The following KIF26B variants were observed in gnomAD, a reference collection of about 807,000 sequenced individuals.
The protein encoded by KIF26B is kinesin-like protein KIF26B.
A neutral mutation model predicts 151.2 loss-of-function variants in KIF26B; 63 were observed. The ratio of observed to expected loss-of-function variants is 0.42; its 90% CI spans 0.34 to 0.51. The LOEUF (loss-of-function observed/expected upper bound fraction) is 0.51. KIF26B is among the 20% of genes least tolerant of loss of function. The probability of loss-of-function intolerance (pLI) is 0.07; values close to 1 mark genes in which losing one functional copy is unlikely to be tolerated. For missense variants in KIF26B, 2,813 were observed against 2,913.6 expected, an observed-to-expected ratio of 0.97 and a Z score of 0.79; for synonymous variants, 1,357 against 1,262.1, an observed-to-expected ratio of 1.08 and a Z score of -1.59.
intron 4 of KIF26B, among the ~76,000 whole-genome samples, chr1:245,435,359 C>A (rs1255673373): frequency 1.4e-4 from 21 of 152,166 alleles, no homozygotes; most frequent in Admixed American, 1.4e-3. Context: ...TTCATAAAGC[C>A]ATCCAGTATG....
At position 245,302,195 on chromosome 1, in the gene KIF26B, A is replaced by G. The variant is rs77941788; in HGVS notation, c.466-64639A>G. Among the ~76,000 whole-genome samples the G allele has an allele frequency of 4.0e-3, 604 of 152,330 alleles. 6 individuals are homozygous for G. Among genetic ancestry groups the G allele is most frequent in the African/African-American group, 0.014 (578 of 41,558 alleles). ...ACATCAGTCTATTTGCTGCTTCATAATCAAGGTCCTGTTTGTTGATATGTA... is the reference window on the plus strand; with the variant it reads ...ACATCAGTCTATTTGCTGCTTCATAGTCAAGGTCCTGTTTGTTGATATGTA... On this transcript the variant is annotated intron_variant, in intron 2 of 14. Coordinates refer to ENST00000407071, the MANE Select transcript of KIF26B (RefSeq NM_018012.4).
intron 3 of KIF26B, among the ~76,000 whole-genome samples, chr1:245,382,196 G>A (rs1009906786): frequency 1.3e-4 from 20 of 152,060 alleles, no homozygotes; most frequent in Admixed American, 7.9e-4. Context: ...GAGTGCATAC[G>A]GGTTCCAATT....
At chr1:245,325,487 G>A (rs901671705) in intron 2 of KIF26B, among the ~76,000 whole-genome samples, 4 of 152,174 alleles carry the variant, frequency 2.6e-5, no homozygotes, top group African/African-American at 9.7e-5. Context: ...GCCGAGGCAG[G>A]CAGATCACCT....
intron 2 of KIF26B, among the ~76,000 whole-genome samples, chr1:245,288,630 G>A (rs187097935): frequency 7.2e-5 from 11 of 152,278 alleles, no homozygotes; most frequent in African/African-American, 2.4e-4. Context: ...CAGAATGCAT[G>A]GATGGTGGGG....
intron 2 of KIF26B, among the ~76,000 whole-genome samples, chr1:245,161,309 T>A (rs2103517454): frequency 6.6e-6 from 1 of 152,350 alleles, no homozygotes; most frequent in Admixed American, 6.5e-5. Flanking sequence ...ACCAGACTAT[T>A]AATTGTGAAG....
intron 10 of KIF26B, among the ~76,000 whole-genome samples, chr1:245,674,871 G>A (rs1383373041): frequency 1.3e-5 from 2 of 152,092 alleles, no homozygotes; most frequent in South Asian, 2.1e-4. Flanking sequence ...CTGCCAAGTC[G>A]GCCCAAGACT....
intron 2 of KIF26B, among the ~76,000 whole-genome samples, chr1:245,225,604 C>A (rs1322054569): frequency 1.3e-5 from 2 of 152,170 alleles, no homozygotes; most frequent in African/African-American, 4.8e-5. Context: ...ACATTTCTGG[C>A]TTTCCTTGCT....
chr1:245,430,853 A>G (rs562097867), intron 4 of KIF26B, among the ~76,000 whole-genome samples: 2 of 152,252 alleles, frequency 1.3e-5, no homozygotes, highest in South Asian at 4.1e-4. Flanking sequence ...AGTCCACACA[A>G]CTAGTAGGCA....
At chr1:245,275,913 G>T (rs570380818) in intron 2 of KIF26B, among the ~76,000 whole-genome samples, 196 of 152,200 alleles carry the variant, frequency 1.3e-3, no homozygotes, top group African/African-American at 4.4e-3. Flanking sequence ...TCGTTGACAG[G>T]TTTTTATTCT....
chr1:245,161,525 T>C (rs1668529117), intron 2 of KIF26B, among the ~76,000 whole-genome samples: 1 of 152,350 alleles, frequency 6.6e-6, no homozygotes, highest in African/African-American at 2.4e-5. Context: ...TTTGGCATTA[T>C]ATCACAGATT....
At chr1:245,605,894 C>G (rs1417758975) in intron 6 of KIF26B, among the ~76,000 whole-genome samples, 1 of 152,180 alleles carries the variant, frequency 6.6e-6, no homozygotes, top group Non-Finnish European at 1.5e-5. Flanking sequence ...GGTCCACACA[C>G]AGCCAACATT....
intron 2 of KIF26B, among the ~76,000 whole-genome samples, chr1:245,178,852 G>A (rs1292557102): frequency 6.6e-6 from 1 of 152,226 alleles, no homozygotes; most frequent in Non-Finnish European, 1.5e-5. Context: ...AGTGGGGCCG[G>A]CTCTACAGCC....
chr1:245,589,565 C>G (rs1305490221), intron 5 of KIF26B, among the ~76,000 whole-genome samples: 1 of 152,178 alleles, frequency 6.6e-6, no homozygotes, highest in Non-Finnish European at 1.5e-5. Context: ...CCGTTTTCCT[C>G]AAAGACAGTT....
At chr1:245,314,918 C>T (rs1038859948) in intron 2 of KIF26B, among the ~76,000 whole-genome samples, 2 of 152,186 alleles carry the variant, frequency 1.3e-5, no homozygotes, top group South Asian at 2.1e-4. Flanking sequence ...CGGTGGCTCA[C>T]GCCTGTAATC....
intron 5 of KIF26B, among the ~76,000 whole-genome samples, chr1:245,559,760 G>A (rs1184203312): frequency 1.3e-5 from 2 of 151,946 alleles, no homozygotes; most frequent in African/African-American, 2.4e-5. Context: ...TGCCCAGGCT[G>A]GTTTTGAACT....
At chr1:245,422,101 A>G (rs1241660531) in intron 4 of KIF26B, among the ~76,000 whole-genome samples, 1 of 152,112 alleles carries the variant, frequency 6.6e-6, no homozygotes, top group Non-Finnish European at 1.5e-5. Context: ...GCTTTCAAAG[A>G]GCTGGAAAGG....
At chr1:245,620,045 C>T (rs1255211865) in intron 9 of KIF26B, among the ~76,000 whole-genome samples, 1 of 151,952 alleles carries the variant, frequency 6.6e-6, no homozygotes, top group Non-Finnish European at 1.5e-5. Flanking sequence ...AGCCTCACAA[C>T]GCAACAGAGT....
At chr1:245,620,906 T>C (rs2043651795) in intron 9 of KIF26B, among the ~76,000 whole-genome samples, 2 of 152,164 alleles carry the variant, frequency 1.3e-5, no homozygotes, top group South Asian at 4.2e-4. Flanking sequence ...GGAGCAAAAG[T>C]GCACAAACTA....
At chr1:245,539,801 CA>C (rs1661567109) in intron 4 of KIF26B, among the ~76,000 whole-genome samples, 1 of 152,066 alleles carries the variant, frequency 6.6e-6, no homozygotes, top group Non-Finnish European at 1.5e-5. Flanking sequence ...TACAGGCATG[CA>C]CCACCACACC....
Sources: gnomAD v4.1 joint callset for allele counts (sites outside exome capture counted in the v4.1 genomes callset) on GRCh38, gnomAD v4.1.1 for gene constraint, MANE v1.5 for transcripts, NCBI Gene and HGNC (gene_info 2026-07-23, HGNC 2026-07-21) for gene names.